The following MAGI2 variants were observed in gnomAD, a reference collection of about 807,000 sequenced individuals.
MAGI2 encodes membrane associated guanylate kinase, WW and PDZ domain containing 2.
In MAGI2, 35 loss-of-function variants were observed where a neutral mutation model predicts 133.3. The ratio of observed to expected loss-of-function variants is 0.26; its 90% confidence interval spans 0.20 to 0.35. The LOEUF is 0.35. Ranked by LOEUF, MAGI2 falls within the 10% of genes least tolerant of loss-of-function variation. MAGI2 has a pLI of 1.00. For missense variants in MAGI2, 1,636 were observed against 1,863.4 expected (o/e 0.88, Z 2.25); for synonymous variants, 729 against 710.6 (o/e 1.03, Z -0.41).
At chr7:78,294,555 A>G (rs1014041515) in intron 9 of MAGI2, among the ~76,000 whole-genome samples, 17 of 152,150 alleles carry the variant, frequency 1.1e-4, no homozygotes, top group Non-Finnish European at 1.5e-4. Flanking sequence ...CCATTTGGAA[A>G]AGTTTTCTGC....
At chr7:78,595,402 T>C (rs1804490088) in intron 3 of MAGI2, among the ~76,000 whole-genome samples, 1 of 152,216 alleles carries the variant, frequency 6.6e-6, no homozygotes, top group Non-Finnish European at 1.5e-5. Context: ...TCTTTCTTTT[T>C]AAACTAGCTG....
At chr7:78,298,925 C>T (rs1275867489) in intron 9 of MAGI2, among the ~76,000 whole-genome samples, 1 of 149,424 alleles carries the variant, frequency 6.7e-6, no homozygotes, top group Non-Finnish European at 1.5e-5. Flanking sequence ...AAGCAATTCT[C>T]CTGTCTCAGC....
rs774967874 is a variant in MAGI2, at chr7:78,986,485, C to T, written c.418+20605G>A. ...TGCTCTATCTCTTGTCCATTCAAAC[C>T]GGTCTTTTTTTTTCCAATCTAGTAG... On this transcript the variant is annotated intron_variant, in intron 2 of 21. Coordinates refer to ENST00000354212, the MANE Select transcript of MAGI2 (RefSeq NM_012301.4). Among the ~76,000 whole-genome samples the T allele has an allele frequency of 1.1e-4, 16 of 151,908 alleles. No individual in the cohort carries two copies. In the East Asian group the frequency reaches 1.4e-3, roughly 13 times the overall value.
rs151064646 is a variant in MAGI2, at chr7:78,114,961, A to G, written c.3567+10733T>C. Among the ~76,000 whole-genome samples, 24 of 152,388 alleles carry G rather than the reference A, an allele frequency of 1.6e-4. No individual in the cohort carries two copies. The East Asian group carries it at 4.6e-3, about 29-fold the overall frequency. ...CAGCTCTAAAGCTGGAAGTGGTTGC[A>G]GCTACTGTAACTTGGTCGTTAAAGG... On this transcript the variant is annotated intron_variant, in intron 20 of 21. Transcript: ENST00000354212.
intron 2 of MAGI2, among the ~76,000 whole-genome samples, chr7:78,666,964 T>C (rs73380215): frequency 0.015 from 2,336 of 152,262 alleles, 69 homozygotes; most frequent in African/African-American, 0.053. Context: ...ATGGGAAAAA[T>C]TCTTAAAGAC....
At chr7:78,448,298 C>G (rs555161253) in intron 6 of MAGI2, among the ~76,000 whole-genome samples, 1 of 152,062 alleles carries the variant, frequency 6.6e-6, no homozygotes, top group East Asian at 1.9e-4. Flanking sequence ...ACCCAGTAGT[C>G]GAATTGCTGG....
At chr7:79,399,090 C>CT (rs1337058211) in intron 1 of MAGI2, among the ~76,000 whole-genome samples, 6 of 101,464 alleles carry the variant, frequency 5.9e-5, no homozygotes, top group African/African-American at 2.0e-4. Context: ...TTTTTTTTTT[C>CT]TTTTCTTTTT....
intron 2 of MAGI2, among the ~76,000 whole-genome samples, chr7:78,689,971 G>T (rs1423517272): frequency 2.0e-5 from 3 of 151,894 alleles, no homozygotes; most frequent in Non-Finnish European, 4.4e-5. Flanking sequence ...TAATTGAAAA[G>T]CCATGAATGT....
chr7:79,012,293 A>G (rs749765591), intron 1 of MAGI2: 5 of 152,064 alleles, frequency 3.3e-5, no homozygotes, highest in Non-Finnish European at 5.9e-5. Context: ...TCCCTTTGCT[A>G]TTATCCATGG....
chr7:78,610,332 G>GTGAC (rs1806305132), intron 3 of MAGI2, among the ~76,000 whole-genome samples: 1 of 152,198 alleles, frequency 6.6e-6, no homozygotes, highest in South Asian at 2.1e-4. Context: ...CTGAGTCCTA[G>GTGAC]TGACTGCTTG....
intron 1 of MAGI2, among the ~76,000 whole-genome samples, chr7:79,171,774 T>A (rs201311153): frequency 0.24 from 6,192 of 25,964 alleles, 327 homozygotes; most frequent in East Asian, 0.39. Context: ...ATATATATTT[T>A]TTTTTTTTTT....
At chr7:79,264,892 C>T (rs1834337514) in intron 1 of MAGI2, among the ~76,000 whole-genome samples, 2 of 152,038 alleles carry the variant, frequency 1.3e-5, no homozygotes, top group South Asian at 4.2e-4. Flanking sequence ...CGCACGAGCA[C>T]ACGCCAGCCT....
chr7:78,975,902 C>A (rs10234623), intron 2 of MAGI2, among the ~76,000 whole-genome samples: 6,894 of 151,612 alleles, frequency 0.045, 473 homozygotes, highest in African/African-American at 0.15. Context: ...CTATCCTCAC[C>A]TATTTGAAAA....
chr7:78,495,685 T>C (rs1201688774), intron 5 of MAGI2, among the ~76,000 whole-genome samples: 1 of 152,206 alleles, frequency 6.6e-6, no homozygotes, highest in Non-Finnish European at 1.5e-5. Context: ...GTTTCCTAAA[T>C]AATTTTCCTA....
intron 21 of MAGI2, among the ~76,000 whole-genome samples, chr7:78,077,614 T>A (rs1815472698): frequency 1.1e-5 from 1 of 93,296 alleles, no homozygotes; most frequent in South Asian, 3.5e-4. Flanking sequence ...TGAGTTTAGA[T>A]ATTTCATTTG....
chr7:78,646,783 T>C (rs1810938136), intron 2 of MAGI2, among the ~76,000 whole-genome samples: 4 of 152,214 alleles, frequency 2.6e-5, no homozygotes, highest in South Asian at 2.1e-4. Flanking sequence ...AACCATCCTT[T>C]AGCGCTGACC....
intron 6 of MAGI2, among the ~76,000 whole-genome samples, chr7:78,475,056 G>T (rs998323540): frequency 6.6e-6 from 1 of 151,796 alleles, no homozygotes; most frequent in African/African-American, 2.4e-5. Flanking sequence ...CAGTACTTGG[G>T]ATTCAAATAC....
chr7:78,343,492 CAAACTCTAGAGAT>C (rs1370056611), intron 9 of MAGI2, among the ~76,000 whole-genome samples: 1 of 152,090 alleles, frequency 6.6e-6, no homozygotes, highest in Admixed American at 6.6e-5. Context: ...CCCCTAAGAA[CAAACTCTAGAGAT>C]AAATTAGAAA....
intron 6 of MAGI2, among the ~76,000 whole-genome samples, chr7:78,452,994 A>T (rs1354601910): frequency 1.3e-5 from 2 of 151,572 alleles, no homozygotes; most frequent in Admixed American, 6.6e-5. Context: ...TAATTTTTGA[A>T]ATTTTTTTTA....
Sources: allele counts gnomAD v4.1 joint callset (sites outside exome capture counted in the v4.1 genomes callset), GRCh38; gene constraint gnomAD v4.1.1; transcripts MANE v1.5; gene names NCBI Gene and HGNC (gene_info 2026-07-23, HGNC 2026-07-21).